ZNF484: variants seen among roughly 807,000 people sequenced by gnomAD.
ZNF484 encodes the protein zinc finger protein 484.
ZNF484 carries 11 observed loss-of-function variants against 12.9 expected under a neutral mutation model. That is an observed-to-expected ratio of 0.85 (90% CI 0.54 to 1.41). The LOEUF (loss-of-function observed/expected upper bound fraction) is 1.41. Ranked by LOEUF, ZNF484 falls within the 40% of genes most tolerant of loss-of-function variation. ZNF484 has a pLI of 0.00. For synonymous variants in ZNF484, 289 were observed against 334.1 expected, an observed-to-expected ratio of 0.86 and a Z score of 1.47; for missense variants, 807 against 1,007.7, an observed-to-expected ratio of 0.80 and a Z score of 2.70.
chr9:92,867,916 A>G (rs560771346), intron 2 of ZNF484, among the ~76,000 whole-genome samples: 8 of 152,334 alleles, frequency 5.3e-5, no homozygotes, highest in Admixed American at 3.9e-4. Flanking sequence ...AGTTTCTGTC[A>G]TAAGTGAGGG....
At chr9:92,877,289 T>C (rs1349290610) in intron 1 of ZNF484, among the ~76,000 whole-genome samples, 1 of 151,020 alleles carries the variant, frequency 6.6e-6, no homozygotes, top group Non-Finnish European at 1.5e-5. Flanking sequence ...ATTAAAAGAG[T>C]AGGGAGTATT....
chr9:92,869,072 C>A (rs182515996), intron 2 of ZNF484, among the ~76,000 whole-genome samples: 1 of 151,988 alleles, frequency 6.6e-6, no homozygotes, highest in African/African-American at 2.4e-5. Flanking sequence ...AATATCCAAA[C>A]CATAGCAATA....
intron 2 of ZNF484, among the ~76,000 whole-genome samples, chr9:92,865,268 T>C (rs1244485636): frequency 1.3e-5 from 2 of 151,698 alleles, no homozygotes; most frequent in Non-Finnish European, 2.9e-5. Context: ...AGTGAGAACT[T>C]GTCTCTATAA....
rs560597636 is a variant in ZNF484, at chr9:92,845,316, A to C, written c.*912T>G. Reference sequence around the variant, plus strand: ...AAAAAAGTCTATTCAAATACAGAGAATTTGAAAAACAAAATTAATTAAGAT... The same window carrying C: ...AAAAAAGTCTATTCAAATACAGAGACTTTGAAAAACAAAATTAATTAAGAT... On this transcript the variant is annotated 3_prime_UTR_variant, in exon 5 of 5. Transcript: ENST00000375495. This position sits in a 1 kb window ranked among gnomAD's most constrained non-coding sequence, Gnocchi z 4.0. 6.6e-6 allele frequency: 1 copy of C among 152,332 alleles called. No individual in the cohort carries two copies. Among genetic ancestry groups the C allele is most frequent in the East Asian group, 1.9e-4 (1 of 5,190 alleles). 9.4% of individuals were successfully genotyped at this position (152,332 alleles called of 1,614,324 possible).
intron 2 of ZNF484, among the ~76,000 whole-genome samples, chr9:92,863,762 A>G (rs1157398972): frequency 6.6e-6 from 1 of 152,228 alleles, no homozygotes; most frequent in Non-Finnish European, 1.5e-5. Context: ...ACATATTGAG[A>G]TTACAGGGAT....
At chr9:92,857,161 G>A (rs908341249) in intron 2 of ZNF484, among the ~76,000 whole-genome samples, 2 of 152,206 alleles carry the variant, frequency 1.3e-5, no homozygotes, top group Non-Finnish European at 2.9e-5. Flanking sequence ...AATGCCAGAC[G>A]CAATACTTGA....
At chr9:92,853,445 T>C (rs1856231611) in intron 4 of ZNF484, among the ~76,000 whole-genome samples, 1 of 152,208 alleles carries the variant, frequency 6.6e-6, no homozygotes, top group Non-Finnish European at 1.5e-5. Context: ...GTATTGGTCT[T>C]TCCCCTGAGT....
intron 2 of ZNF484, among the ~76,000 whole-genome samples, chr9:92,868,834 G>A (rs1857262519): frequency 6.6e-6 from 1 of 151,972 alleles, no homozygotes; most frequent in Admixed American, 6.6e-5. Flanking sequence ...TTCCCATTAT[G>A]CCCTACCACC....
chr9:92,865,002 G>A (rs945587370), intron 2 of ZNF484, among the ~76,000 whole-genome samples: 12 of 152,026 alleles, frequency 7.9e-5, no homozygotes, highest in African/African-American at 2.7e-4. Flanking sequence ...TGTTTGTGAT[G>A]TAGACAGAAA....
rs182032051 is a variant in ZNF484, at chr9:92,877,777, C to G, written c.-31+113G>C. On this transcript the variant is annotated intron_variant, in intron 1 of 4. Transcript: ENST00000375495. ...CTCAGATCCACCATCAGAGATCGCT[C>G]CGACTTCCACTATTCCATCCACTGA... 164 of 1,535,626 alleles carry G rather than the reference C, an allele frequency of 1.1e-4. 1 individual carries two copies. In the East Asian group the frequency reaches 3.6e-3, roughly 33 times the overall value.
chr9:92,860,131 G>T (rs1393736420), intron 2 of ZNF484, among the ~76,000 whole-genome samples: 1 of 152,094 alleles, frequency 6.6e-6, no homozygotes, highest in Admixed American at 6.5e-5. Context: ...CCACATGTTG[G>T]CATAGAATAT....
At chr9:92,859,527 A>G (rs1179577063) in intron 2 of ZNF484, among the ~76,000 whole-genome samples, 3 of 152,220 alleles carry the variant, frequency 2.0e-5, no homozygotes, top group African/African-American at 7.2e-5. Context: ...AGGCCTCCCC[A>G]AAGCATACAT....
In ZNF484 at chr9:92,873,293, G is replaced by A. The variant is rs539873796; in HGVS notation, c.15+1722C>T. On this transcript the variant is annotated intron_variant, in intron 2 of 4. Coordinates refer to ENST00000375495, the MANE Select transcript of ZNF484 (RefSeq NM_031486.4). ...CTGATCTCTCAGTTCCAGCCTCCCAGAACTGTGAGAAAATAAATTTTTGTT... is the reference window on the plus strand; with the variant it reads ...CTGATCTCTCAGTTCCAGCCTCCCAAAACTGTGAGAAAATAAATTTTTGTT... 2.0e-5 allele frequency among the ~76,000 whole-genome samples: 3 copies of A among 152,280 alleles called. No individual in the cohort carries two copies. In the East Asian group the frequency reaches 5.8e-4, roughly 29 times the overall value.
intron 1 of ZNF484, among the ~76,000 whole-genome samples, chr9:92,877,471 G>A (rs1857891030): frequency 6.6e-6 from 1 of 152,114 alleles, no homozygotes; most frequent in South Asian, 2.1e-4. Flanking sequence ...GCAATTCTAT[G>A]TAATATATTC....
At chr9:92,877,272 AATTAAT>A (rs1265874375) in intron 1 of ZNF484, among the ~76,000 whole-genome samples, 3 of 152,082 alleles carry the variant, frequency 2.0e-5, no homozygotes, top group Non-Finnish European at 4.4e-5. Flanking sequence ...AAGAGAAAAA[AATTAAT>A]ATTAAAAGAG....
Position 92,866,372 on chromosome 9 carries a change from C to T in ZNF484, c.15+8643G>A, listed in dbSNP as rs1342254206. 2.6e-5 allele frequency among the ~76,000 whole-genome samples: 4 copies of T among 152,120 alleles called. 1 individual carries two copies. The highest frequency in any genetic ancestry group is 6.5e-5 in the Admixed American group (1 of 15,296). On this transcript the variant is annotated intron_variant, in intron 2 of 4. Transcript: ENST00000375495. ...TCTCAAAAGAAGACATTTATGTGGC[C>T]AACAATCATACGAAAAAAAGCTCAA...
chr9:92,858,220 T>C (rs764860946), intron 2 of ZNF484, among the ~76,000 whole-genome samples: 1 of 152,128 alleles, frequency 6.6e-6, no homozygotes, highest in Non-Finnish European at 1.5e-5. Flanking sequence ...CAAATGAAAG[T>C]TCAAAAATTG....
At chr9:92,861,682 G>A (rs765360938) in intron 2 of ZNF484, among the ~76,000 whole-genome samples, 2 of 152,120 alleles carry the variant, frequency 1.3e-5, no homozygotes, top group South Asian at 4.1e-4. Flanking sequence ...CAGCCTAAGG[G>A]ACCCAGCGGG....
In ZNF484 at chr9:92,848,708, C is replaced by T. The variant is rs367908487; in HGVS notation, c.236-157G>A. Among the ~76,000 whole-genome samples, 62 of 148,706 alleles carry T rather than the reference C, an allele frequency of 4.2e-4. No homozygotes were observed. The highest frequency in any genetic ancestry group is 1.4e-3 in the African/African-American group (57 of 40,292). ...TTTGAGACCAGCCTGGCCAGCATAG[C>T]AAAACTCTGTCTCTGCTAAAAAACA... On this transcript the variant is annotated intron_variant, in intron 4 of 4. Transcript: ENST00000375495. This position sits in a 1 kb window ranked among gnomAD's most constrained non-coding sequence, Gnocchi z 4.1.
Sources: allele counts gnomAD v4.1 joint callset (sites outside exome capture counted in the v4.1 genomes callset), GRCh38; gene constraint gnomAD v4.1.1; non-coding constraint Gnocchi (gnomAD v3.1); transcripts MANE v1.5; gene names NCBI Gene and HGNC (gene_info 2026-07-23, HGNC 2026-07-21).